The following GAA variants were observed in gnomAD, a reference collection of about 807,000 sequenced individuals.
GAA encodes the protein alpha glucosidase, also known as lysosomal alpha-glucosidase.
GAA carries 88 observed loss-of-function variants against 103.9 expected under a neutral mutation model. That is an observed-to-expected ratio of 0.85 (90% CI 0.71 to 1.01). The LOEUF is 1.01. Among genes scored for constraint, GAA ranks in the 50% least tolerant of loss-of-function variants. The probability of loss-of-function intolerance (pLI) is 0.00; values close to 1 mark genes in which losing one functional copy is unlikely to be tolerated. For synonymous variants in GAA, 572 were observed against 563.1 expected, an observed-to-expected ratio of 1.02 and a Z score of -0.22; for missense variants, 1,350 against 1,305.3, an observed-to-expected ratio of 1.03 and a Z score of -0.53.
At position 80,104,659 on chromosome 17, in the gene GAA, G is replaced by A; in HGVS notation, c.73G>A (p.Ala25Thr). The A allele has an allele frequency of 6.2e-7, 1 of 1,613,280 alleles. No homozygotes were observed. Among genetic ancestry groups the A allele is most frequent in the South Asian group, 1.1e-5 (1 of 91,086 alleles). The change falls in exon 2 of 20, where the codon GCA (alanine) becomes ACA (threonine). Residue 25 changes from alanine to threonine, a missense_variant. Coordinates refer to ENST00000302262, the MANE Select transcript of GAA (RefSeq NM_000152.5). This position sits in a 1 kb window ranked among gnomAD's most constrained non-coding sequence, Gnocchi z 4.0. ...CGCCCTCGTGTCCTTGGCAACCGCTGCACTCCTGGGGCACATCCTACTCCA... is the reference window on the plus strand; with the variant it reads ...CGCCCTCGTGTCCTTGGCAACCGCTACACTCCTGGGGCACATCCTACTCCA... The part of the protein sequence containing the change: ...VCALVSLATA[A>T]LLGHILLHDF...
At position 80,108,412 on chromosome 17, in the gene GAA, A is replaced by G; in HGVS notation, c.1075+3A>G. ...GCAGCAGTACCTGGACGTTGTGGGT[A>G]GGGCCTGCTCCCTGGCCGCGGCCCC... On this transcript the variant is annotated splice_donor_region_variant and intron_variant, in intron 6 of 19. Transcript: ENST00000302262. 1.2e-6 allele frequency: 2 copies of G among 1,613,266 alleles called. No homozygotes were observed. The highest frequency in any genetic ancestry group is 1.7e-6 in the Non-Finnish European group (2 of 1,180,006).
intron 1 of GAA, among the ~76,000 whole-genome samples, chr17:80,103,587 C>T (rs1281241630): frequency 4.6e-5 from 7 of 152,148 alleles, no homozygotes; most frequent in African/African-American, 9.7e-5. Context: ...AAACAAAGGT[C>T]GTTGGTACTT....
Position 80,119,268 on chromosome 17 carries a change from C to G in GAA, c.2800-4C>G. On this transcript the variant is annotated splice_region_variant and splice_polypyrimidine_tract_variant and intron_variant, in intron 19 of 19. Transcript: ENST00000302262. ...CTGCTCCATTTGTGCTCTCTCTTTT[C>G]CAGGTCCTGGACATCTGTGTCTCGC... The G allele has an allele frequency of 6.2e-7, 1 of 1,613,934 alleles. No individual in the cohort carries two copies. Among genetic ancestry groups the G allele is most frequent in the Non-Finnish European group, 8.5e-7 (1 of 1,179,840 alleles).
intron 15 of GAA, among the ~76,000 whole-genome samples, chr17:80,116,459 A>G (rs2039354675): frequency 6.6e-6 from 1 of 152,258 alleles, no homozygotes; most frequent in South Asian, 2.1e-4. Flanking sequence ...AGGACAGGGC[A>G]GAGCTGCGTC....
intron 17 of GAA, among the ~76,000 whole-genome samples, chr17:80,117,973 G>T (rs1202393823): frequency 6.6e-6 from 1 of 152,222 alleles, no homozygotes; most frequent in Non-Finnish European, 1.5e-5. Flanking sequence ...CATGGTGGAG[G>T]TTCTGCCGGG....
intron 4 of GAA, 36 bp from the exon 5 acceptor site, chr17:80,107,764 C>T (rs551335903): frequency 4.3e-6 from 7 of 1,609,350 alleles, no homozygotes; most frequent in African/African-American, 1.3e-5. Context: ...AGCTGGGGAG[C>T]GCAGGTGCTG....
chr17:80,110,887 C>T, intron 10 of GAA, 47 bp downstream of exon 10: 2 of 1,612,580 alleles, frequency 1.2e-6, no homozygotes, highest in Non-Finnish European at 8.5e-7. Context: ...CTGGGGACTA[C>T]CCCACCCTCC....
At chr17:80,119,183 T>C (rs2143937443) in intron 19 of GAA, 89 bp from the exon 20 acceptor site, 6 of 1,292,938 alleles carry the variant, frequency 4.6e-6, no homozygotes, top group East Asian at 2.3e-5. Context: ...TGCTGGGATC[T>C]CGGGGCCAGA....
chr17:80,118,203 TCA>T lies in GAA; in HGVS notation c.2495_2496del (p.Thr832AsnfsTer51), dbSNP rs1057516704. ...TCCTTCCCTTTCCAGGGCCCTGGCC[TCA>T]CAACCACAGAGTCCCGCCAGCAGCC... On this transcript the variant is annotated frameshift_variant, in exon 18 of 20. Transcript: ENST00000302262. LOFTEE classifies it high-confidence loss of function. The T allele has an allele frequency of 6.2e-7, 1 of 1,613,030 alleles. No individual in the cohort carries two copies.
chr17:80,108,023 T>G (rs2039136561), intron 5 of GAA, 127 bp downstream of exon 5: 2 of 1,057,848 alleles, frequency 1.9e-6, no homozygotes, highest in Non-Finnish European at 2.8e-6. Context: ...AAATGAGTCC[T>G]ATGGGCTGAT....
chr17:80,119,444 C>A lies in GAA; in HGVS notation c.*113C>A. On this transcript the variant is annotated 3_prime_UTR_variant, in exon 20 of 20. Transcript: ENST00000302262. The stretch of plus-strand genomic sequence containing the variant: ...TGGGGGTTGCATGTGTCACCTGGAG[C>A]TGGGCACTAACCATTCCAAGCCGCC... The A allele has an allele frequency of 2.2e-6, 2 of 908,824 alleles. No individual in the cohort carries two copies. Among genetic ancestry groups the A allele is most frequent in the Non-Finnish European group, 1.8e-6 (1 of 549,868 alleles). The allele number at this position is 908,824 out of a possible 1,614,324, so 56.3% of individuals were successfully genotyped here.
intron 18 of GAA, 73 bp from the exon 19 acceptor site, chr17:80,118,580 G>T: frequency 6.4e-7 from 1 of 1,569,036 alleles, no homozygotes. Flanking sequence ...CTGTTCTCAT[G>T]GGTGTTCCTG....
intron 11 of GAA, chr17:80,111,767 G>A (rs1449644146): frequency 1.4e-5 from 8 of 579,318 alleles, no homozygotes; most frequent in African/African-American, 5.6e-5. Context: ...TCCAGCACCC[G>A]CCCAGCCCTG....
rs2143849751 is a variant in GAA at position 80,107,864 on chromosome 17, A to C, written c.923A>C (p.His308Pro). Residue 308 changes from histidine to proline, a missense_variant, in exon 5 of 20, where the codon CAC (histidine) becomes CCC (proline). Physicochemically the swap from His to Pro is moderately conservative, Grantham distance 77. Transcript: ENST00000302262. ...GCGCTGGAGGACGGCGGGTCGGCAC[A>C]CGGGGTGTTCCTGCTAAACAGCAAT... ...YLALEDGGSA[H>P]GVFLLNSNAM... 1 of 1,611,586 alleles carries C rather than the reference A, an allele frequency of 6.2e-7. No individual in the cohort carries two copies. Among genetic ancestry groups the C allele is most frequent in the Non-Finnish European group, 8.5e-7 (1 of 1,179,692 alleles).
Position 80,117,707 on chromosome 17 carries a change from C to G in GAA, c.2439C>G (p.Thr813=). ...QWVTLPAPLD[T]INVHLRAGYI... ...TGACGCTGCCGGCCCCCCTGGACAC[C>G]ATCAACGTCCACCTCCGGGCTGGGT... Residue 813 remains threonine (T), a synonymous_variant, in exon 17 of 20, where the codon ACC becomes ACG. Transcript: ENST00000302262. The G allele has an allele frequency of 6.2e-7, 1 of 1,612,068 alleles. No individual in the cohort carries two copies. Among genetic ancestry groups the G allele is most frequent in the East Asian group, 2.2e-5 (1 of 44,880 alleles).
intron 1 of GAA, among the ~76,000 whole-genome samples, chr17:80,103,166 G>C (rs1437057774): frequency 6.6e-6 from 1 of 152,186 alleles, no homozygotes; most frequent in Admixed American, 6.5e-5. Flanking sequence ...ACTTCTTCCT[G>C]GTATGTGACC....
rs1567834212 is a variant in GAA at position 80,112,011 on chromosome 17, C to A, written c.1665C>A (p.Ala555=). ...PGVVGGTLQA[A]TICASSHQFL... ...TGGTTGGGGGGACCCTCCAGGCGGC[C>A]ACCATCTGTGCCTCCAGCCACCAGT... Residue 555 remains alanine, a synonymous_variant, in exon 12 of 20, where the codon GCC becomes GCA. Transcript: ENST00000302262. 1 of 1,613,942 alleles carries A rather than the reference C, an allele frequency of 6.2e-7. No individual in the cohort carries two copies. The highest frequency in any genetic ancestry group is 8.5e-7 in the Non-Finnish European group (1 of 1,179,934).
At position 80,108,747 on chromosome 17, in the gene GAA, G is replaced by T. The variant is rs760920034; in HGVS notation, c.1245G>T (p.Thr415=). The change falls in exon 8 of 20, where the codon ACG becomes ACT. Residue 415 remains threonine (T), a synonymous_variant. Transcript: ENST00000302262. ...LDYMDSRRDF[T]FNKDGFRDFP... Reference sequence around the variant, plus strand: ...ACATGGACTCCCGGAGGGACTTCACGTTCAACAAGGATGGCTTCCGGGACT... The same window carrying T: ...ACATGGACTCCCGGAGGGACTTCACTTTCAACAAGGATGGCTTCCGGGACT... 6.2e-7 allele frequency: 1 copy of T among 1,612,090 alleles called. No individual in the cohort carries two copies. Among genetic ancestry groups the T allele is most frequent in the Non-Finnish European group, 8.5e-7 (1 of 1,179,588 alleles).
At chr17:80,111,542 G>A (rs140250896) in intron 11 of GAA, among the ~76,000 whole-genome samples, 3 of 152,280 alleles carry the variant, frequency 2.0e-5, no homozygotes, top group East Asian at 1.9e-4. Context: ...GGGGCTTCTC[G>A]CCAAACTGTC....
Sources: allele counts gnomAD v4.1 joint callset (sites outside exome capture counted in the v4.1 genomes callset), GRCh38; gene constraint gnomAD v4.1.1; non-coding constraint Gnocchi (gnomAD v3.1); transcripts MANE v1.5; gene names NCBI Gene and HGNC (gene_info 2026-07-23, HGNC 2026-07-21).